Variants in OXSR1 observed in about 807,000 individuals in gnomAD.
OXSR1 encodes oxidative stress responsive kinase 1.
OXSR1 carries 24 observed loss-of-function variants against 79.8 expected under a neutral mutation model. The ratio of observed to expected loss-of-function variants is 0.30; its 90% CI spans 0.22 to 0.42. OXSR1 has a LOEUF of 0.42. Ranked by LOEUF, OXSR1 falls within the 10% of genes least tolerant of loss-of-function variation. The probability of loss-of-function intolerance (pLI) is 1.00; values close to 1 mark genes in which losing one functional copy is unlikely to be tolerated. For missense variants in OXSR1, 430 were observed against 618.4 expected, an observed-to-expected ratio of 0.70 and a Z score of 3.23; for synonymous variants, 226 against 209.2, an observed-to-expected ratio of 1.08 and a Z score of -0.69.
chr3:38,251,494 A>G (rs779665046), intron 16 of OXSR1, 23 bp downstream of exon 16: 2 of 1,584,560 alleles, frequency 1.3e-6, no homozygotes, highest in African/African-American at 1.3e-5. Context: ...CGTTCTGCTC[A>G]TGTGCTCCTG....
intron 10 of OXSR1, among the ~76,000 whole-genome samples, chr3:38,230,958 C>T (rs1702793457): frequency 6.6e-6 from 1 of 152,164 alleles, no homozygotes; most frequent in Non-Finnish European, 1.5e-5. Flanking sequence ...GAAAATCCTC[C>T]CTTTTCCTCA....
intron 4 of OXSR1, among the ~76,000 whole-genome samples, chr3:38,202,649 A>G (rs1702185159): frequency 6.6e-6 from 1 of 152,262 alleles, no homozygotes; most frequent in Admixed American, 6.5e-5. Context: ...CAAATTAGAT[A>G]TAGAGATGAT....
intron 1 of OXSR1, 52 bp from the exon 2 acceptor site, chr3:38,182,951 A>G (rs772539597): frequency 3.1e-6 from 3 of 953,192 alleles, no homozygotes; most frequent in South Asian, 1.4e-5. Context: ...TAGAAATGTC[A>G]TGTTTTTATA....
chr3:38,233,362 A>G (rs1228549290), intron 10 of OXSR1, among the ~76,000 whole-genome samples: 2 of 152,216 alleles, frequency 1.3e-5, no homozygotes, highest in African/African-American at 4.8e-5. Flanking sequence ...AAGTATTGAC[A>G]TTGGAGGTGG....
intron 5 of OXSR1, among the ~76,000 whole-genome samples, chr3:38,216,391 CT>C (rs2088839571): frequency 6.6e-6 from 1 of 152,122 alleles, no homozygotes; most frequent in African/African-American, 2.4e-5. Flanking sequence ...CTATCCACTC[CT>C]TACTTCCATT....
chr3:38,242,369 A>C (rs1228695095), intron 11 of OXSR1, among the ~76,000 whole-genome samples: 1 of 152,200 alleles, frequency 6.6e-6, no homozygotes, highest in Non-Finnish European at 1.5e-5. Context: ...AATGTGTTGG[A>C]TAATTAGCTT....
rs559517494 is a variant in OXSR1 at position 38,242,737 on chromosome 3, G to A, written c.1075-6G>A. Reference sequence around the variant, plus strand: ...TTAACAATCATCCTTTTTGTATTTCGTTTAGTCTCCCCGAGTGAAAGAATC... The same window carrying A: ...TTAACAATCATCCTTTTTGTATTTCATTTAGTCTCCCCGAGTGAAAGAATC... On this transcript the variant is annotated splice_polypyrimidine_tract_variant and splice_region_variant and intron_variant, in intron 11 of 17. Coordinates refer to ENST00000311806, the MANE Select transcript of OXSR1 (RefSeq NM_005109.3). 3.7e-5 allele frequency: 57 copies of A among 1,543,616 alleles called. No individual in the cohort carries two copies. The highest frequency in any genetic ancestry group is 5.5e-5 in the African/African-American group (4 of 72,188).
intron 1 of OXSR1, among the ~76,000 whole-genome samples, chr3:38,171,384 G>A (rs964930333): frequency 2.0e-5 from 3 of 151,910 alleles, no homozygotes; most frequent in South Asian, 2.1e-4. Flanking sequence ...TTAAAATCTA[G>A]AAAAAAGGGT....
chr3:38,190,536 A>G (rs530714666), intron 2 of OXSR1, among the ~76,000 whole-genome samples, 195 bp from the exon 3 acceptor site: 54 of 152,244 alleles, frequency 3.5e-4, no homozygotes, highest in African/African-American at 1.3e-3. Flanking sequence ...GTAATGAGTG[A>G]AGGAAATTGA....
intron 4 of OXSR1, among the ~76,000 whole-genome samples, chr3:38,201,857 CTG>C (rs560294372): frequency 1.3e-5 from 2 of 152,054 alleles, no homozygotes; most frequent in Non-Finnish European, 2.9e-5. Flanking sequence ...GAGCAAGACT[CTG>C]TGTCGAAAAG....
intron 13 of OXSR1, 58 bp from the exon 14 acceptor site, chr3:38,247,610 A>G (rs1703168825): frequency 8.2e-7 from 1 of 1,216,282 alleles, no homozygotes. Flanking sequence ...AGTGACCATT[A>G]GTCACCTCCC....
chr3:38,198,708 T>G lies in OXSR1; in HGVS notation c.293-14T>G. ...ATTTAGAGATTTTTAGAAAATTATG[T>G]CTTCTGTTTTCAGGTTCTGTTCTGG... On this transcript the variant is annotated splice_polypyrimidine_tract_variant and intron_variant, in intron 3 of 17. Coordinates refer to ENST00000311806, the MANE Select transcript of OXSR1 (RefSeq NM_005109.3). The G allele has an allele frequency of 6.3e-7, 1 of 1,598,890 alleles. No homozygotes were observed.
At chr3:38,186,984 CT>C in intron 2 of OXSR1, among the ~76,000 whole-genome samples, 1 of 152,200 alleles carries the variant, frequency 6.6e-6, no homozygotes, top group East Asian at 1.9e-4. Context: ...TATTGTTCAT[CT>C]TTTTTTGTCA....
intron 4 of OXSR1, among the ~76,000 whole-genome samples, chr3:38,203,684 A>G (rs1702212123): frequency 6.6e-6 from 1 of 152,048 alleles, no homozygotes; most frequent in African/African-American, 2.4e-5. Context: ...TCCTGAGCAA[A>G]TGGAGTCTCT....
intron 4 of OXSR1, among the ~76,000 whole-genome samples, chr3:38,207,902 C>T (rs1702300381): frequency 1.0e-5 from 1 of 96,534 alleles, no homozygotes; most frequent in Non-Finnish European, 2.0e-5. Flanking sequence ...TTCCTCCCTC[C>T]CCCCTCCCCC....
chr3:38,192,460 A>G (rs1047808532), intron 3 of OXSR1, among the ~76,000 whole-genome samples: 2 of 152,206 alleles, frequency 1.3e-5, no homozygotes, highest in Non-Finnish European at 2.9e-5. Context: ...GCTTGGAAAT[A>G]TATTAAAAAT....
intron 10 of OXSR1, among the ~76,000 whole-genome samples, chr3:38,234,417 C>T (rs960362452): frequency 1.3e-5 from 2 of 152,066 alleles, no homozygotes; most frequent in Non-Finnish European, 2.9e-5. Context: ...AAAGACAACA[C>T]ATTTTTAAAA....
intron 17 of OXSR1, 72 bp downstream of exon 17, chr3:38,252,464 A>G (rs1018095496): frequency 1.7e-5 from 16 of 961,014 alleles, no homozygotes; most frequent in African/African-American, 1.3e-4. Context: ...ACCAGCTTCT[A>G]TATCCCCTGA....
In OXSR1 at chr3:38,255,337, T is replaced by C. The variant is rs560959863; in HGVS notation, c.*2446T>C. The C allele has an allele frequency of 6.5e-6, 1 of 152,798 alleles. No individual in the cohort carries two copies. Among genetic ancestry groups the C allele is most frequent in the African/African-American group, 2.4e-5 (1 of 41,602 alleles). The allele number at this position is 152,798 out of a possible 1,614,324, so 9.5% of individuals were successfully genotyped here. On this transcript the variant is annotated 3_prime_UTR_variant, in exon 18 of 18. Coordinates refer to ENST00000311806, the MANE Select transcript of OXSR1 (RefSeq NM_005109.3). ...ATATTTAATAATCTGGAGGAGAGAA[T>C]AATGATGTACCAATAAGTGGAGATT... is the stretch of plus-strand genomic sequence containing the variant.
Sources: gnomAD v4.1 joint callset for allele counts (sites outside exome capture counted in the v4.1 genomes callset) on GRCh38, gnomAD v4.1.1 for gene constraint, MANE v1.5 for transcripts, NCBI Gene and HGNC (gene_info 2026-07-23, HGNC 2026-07-21) for gene names.